Variants in STARD7 observed in about 807,000 individuals in gnomAD.
The protein encoded by STARD7 is StAR related lipid transfer domain containing 7.
In STARD7, 30 loss-of-function variants were observed where a neutral mutation model predicts 45.3. That is an observed-to-expected ratio of 0.66 (90% CI 0.50 to 0.90). The LOEUF (loss-of-function observed/expected upper bound fraction) is 0.90. Ranked by LOEUF, STARD7 falls within the 40% of genes least tolerant of loss-of-function variation. STARD7 has a pLI of 0.00. For synonymous variants in STARD7, 199 were observed against 183.0 expected, an observed-to-expected ratio of 1.09 and a Z score of -0.70; for missense variants, 495 against 491.3, an observed-to-expected ratio of 1.01 and a Z score of -0.07.
At chr2:96,201,361 A>G (rs916690770) in intron 1 of STARD7, among the ~76,000 whole-genome samples, 1 of 150,088 alleles carries the variant, frequency 6.7e-6, no homozygotes, top group African/African-American at 2.4e-5. Flanking sequence ...AGATCACTTG[A>G]GCCCAGGACT....
intron 6 of STARD7, among the ~76,000 whole-genome samples, chr2:96,189,871 G>T (rs997053577): frequency 6.6e-6 from 1 of 152,136 alleles, no homozygotes; most frequent in Non-Finnish European, 1.5e-5. Flanking sequence ...CCTGGGAATT[G>T]AGTTCTACAG....
chr2:96,202,553 C>A (rs1683322581), intron 1 of STARD7, among the ~76,000 whole-genome samples: 1 of 152,188 alleles, frequency 6.6e-6, no homozygotes, highest in Non-Finnish European at 1.5e-5. Flanking sequence ...GCTCAGAGAA[C>A]AATCAGGCAC....
chr2:96,192,295 T>C, intron 6 of STARD7, 74 bp downstream of exon 6: 1 of 1,144,028 alleles, frequency 8.7e-7, no homozygotes, highest in African/African-American at 1.5e-5. Flanking sequence ...CCCTCCTCCC[T>C]AGTTCAGGTA....
intron 1 of STARD7, among the ~76,000 whole-genome samples, chr2:96,198,798 A>T (rs1290451731): frequency 6.6e-6 from 1 of 152,192 alleles, no homozygotes; most frequent in African/African-American, 2.4e-5. Context: ...ATTTTCTTCT[A>T]AGAGTTTTAG....
intron 1 of STARD7, among the ~76,000 whole-genome samples, chr2:96,204,371 G>A (rs1217261202): frequency 1.3e-5 from 2 of 152,156 alleles, no homozygotes; most frequent in Non-Finnish European, 2.9e-5. Flanking sequence ...TGTCCAACAT[G>A]GTGAAACCCC....
At chr2:96,207,174 T>C (rs1455275710) in intron 1 of STARD7, among the ~76,000 whole-genome samples, 1 of 152,232 alleles carries the variant, frequency 6.6e-6, no homozygotes, top group Non-Finnish European at 1.5e-5. Context: ...GTGTTACACC[T>C]CCCACACAGG....
intron 1 of STARD7, among the ~76,000 whole-genome samples, chr2:96,201,571 A>G (rs551835896): frequency 8.4e-4 from 124 of 147,934 alleles, no homozygotes; most frequent in Non-Finnish European, 1.3e-3. Flanking sequence ...CTGGCAACAG[A>G]GTAAGACTCT....
chr2:96,197,100 A>AAACTAAACTAAACTAAACC (rs1162445956), intron 1 of STARD7, among the ~76,000 whole-genome samples: 3 of 139,874 alleles, frequency 2.1e-5, no homozygotes, highest in Non-Finnish European at 3.2e-5. Flanking sequence ...ATAAAATAAA[A>AAACTAAACTAAACTAAACC]TAAAATAAAA....
At chr2:96,206,888 A>G (rs1354698837) in intron 1 of STARD7, among the ~76,000 whole-genome samples, 1 of 151,858 alleles carries the variant, frequency 6.6e-6, no homozygotes, top group Non-Finnish European at 1.5e-5. Flanking sequence ...TTGTCAACTT[A>G]GAAGTTTTCT....
intron 1 of STARD7, among the ~76,000 whole-genome samples, chr2:96,197,901 T>C (rs1683249386): frequency 6.6e-6 from 1 of 152,230 alleles, no homozygotes; most frequent in African/African-American, 2.4e-5. Flanking sequence ...CTTTATTCCT[T>C]TTTATAGCTG....
rs1683029084 is a variant in STARD7, at chr2:96,185,931, A to T, written c.*799T>A. The T allele has an allele frequency of 6.6e-6, 1 of 152,260 alleles. No individual in the cohort carries two copies. The highest frequency in any genetic ancestry group is 1.5e-5 in the Non-Finnish European group (1 of 68,040). The allele number at this position is 152,260 out of a possible 1,614,324, so 9.4% of individuals were successfully genotyped here. A position where few individuals can be genotyped will look rare whatever the true frequency, so the allele number is the denominator to read the frequency against. On this transcript the variant is annotated 3_prime_UTR_variant, in exon 8 of 8. Transcript: ENST00000337288. The stretch of plus-strand genomic sequence containing the variant: ...CAAAAAGCTACTATCTAAAAGGATT[A>T]GTCTCCCAGTGTTCTTGGTAAATGG...
In STARD7 at chr2:96,208,575, T is replaced by C; in HGVS notation, c.-141A>G. 1 of 673,830 alleles carries C rather than the reference T, an allele frequency of 1.5e-6. No individual in the cohort carries two copies. Among genetic ancestry groups the C allele is most frequent in the Non-Finnish European group, 2.2e-6 (1 of 445,522 alleles). 41.7% of individuals were successfully genotyped at this position (673,830 alleles called of 1,614,324 possible). A position where few individuals can be genotyped will look rare whatever the true frequency, so the allele number is the denominator to read the frequency against. Reference sequence around the variant, plus strand: ...TCCCGCGGCCAGGAGCCGCCGCTCATCTGTCTCTGCAGCCACCGCTGAGGA... The same window carrying C: ...TCCCGCGGCCAGGAGCCGCCGCTCACCTGTCTCTGCAGCCACCGCTGAGGA... On this transcript the variant is annotated 5_prime_UTR_variant, in exon 1 of 8. An upstream start codon of the reference 5' UTR is lost. Coordinates refer to ENST00000337288, the MANE Select transcript of STARD7 (RefSeq NM_020151.4).
intron 6 of STARD7, among the ~76,000 whole-genome samples, chr2:96,190,942 T>C (rs546927544): frequency 2.6e-5 from 4 of 152,206 alleles, no homozygotes; most frequent in East Asian, 1.9e-4. Flanking sequence ...GGTGGGAGGA[T>C]TGCTTGAGTC....
chr2:96,208,064 G>C, intron 1 of STARD7, 81 bp downstream of exon 1: 3 of 1,355,238 alleles, frequency 2.2e-6, no homozygotes, highest in Non-Finnish European at 3.0e-6. Context: ...GGTAAACAAG[G>C]GCCAACGACC....
At chr2:96,197,680 G>A (rs558829459) in intron 1 of STARD7, among the ~76,000 whole-genome samples, 15 of 152,194 alleles carry the variant, frequency 9.9e-5, no homozygotes, top group South Asian at 4.1e-4. Flanking sequence ...CCTAATTCCA[G>A]AACATTTTTA....
Position 96,208,136 on chromosome 2 carries a change from A to C in STARD7, c.290+9T>G. ...CCACGGCCCAGAAAGAGCTCGCCGC[A>C]GCGCCCACCTCTGCAACTCCTCCTC... On this transcript the variant is annotated intron_variant, in intron 1 of 7. Transcript: ENST00000337288. 6.5e-7 allele frequency: 1 copy of C among 1,530,816 alleles called. No homozygotes were observed. Among genetic ancestry groups the C allele is most frequent in the Non-Finnish European group, 8.8e-7 (1 of 1,139,024 alleles). The allele number at this position is 1,530,816 out of a possible 1,614,324, so 94.8% of individuals were successfully genotyped here.
chr2:96,203,362 G>A (rs988404802), intron 1 of STARD7, among the ~76,000 whole-genome samples: 4 of 152,196 alleles, frequency 2.6e-5, no homozygotes, highest in Non-Finnish European at 5.9e-5. Flanking sequence ...AGAAAAGAGA[G>A]ACCATGCCTT....
rs997547 is a variant in STARD7, at chr2:96,193,296, A to T, written c.606T>A (p.Ile202=). The change falls in exon 4 of 8, where the codon ATT becomes ATA. Residue 202 remains isoleucine (I), a synonymous_variant. Transcript: ENST00000337288. ...CGGAACCACTAACCACATCCCTCTC[A>T]ATCACCTCCAGCTTGATTACCAGGG... The part of the protein sequence containing the change: ...WDALVIKLEV[I]ERDVVSGSEV... 1.9e-6 allele frequency: 3 copies of T among 1,613,616 alleles called. No homozygotes were observed. The highest frequency in any genetic ancestry group is 1.7e-6 in the Non-Finnish European group (2 of 1,179,742).
chr2:96,208,680 G>A lies in STARD7; in HGVS notation c.-246C>T. The stretch of plus-strand genomic sequence containing the variant: ...GCGACTGCTACACCAGGCACTCCTG[G>A]GCCCGGGCAGCAGACCAGTCAGCCC... On this transcript the variant is annotated 5_prime_UTR_variant, in exon 1 of 8. Transcript: ENST00000337288. 2.2e-6 allele frequency: 1 copy of A among 445,016 alleles called. No individual in the cohort carries two copies. The highest frequency in any genetic ancestry group is 3.9e-6 in the Non-Finnish European group (1 of 254,072). 27.6% of individuals were successfully genotyped at this position (445,016 alleles called of 1,614,324 possible).
Sources: allele counts gnomAD v4.1 joint callset (sites outside exome capture counted in the v4.1 genomes callset), GRCh38; gene constraint gnomAD v4.1.1; transcripts MANE v1.5; gene names NCBI Gene and HGNC (gene_info 2026-07-23, HGNC 2026-07-21).